The following IQGAP1 variants were observed in gnomAD, a reference collection of about 807,000 sequenced individuals.
IQGAP1 encodes the protein ras GTPase-activating-like protein IQGAP1.
A neutral mutation model predicts 215.6 loss-of-function variants in IQGAP1; 66 were observed. That is an observed-to-expected ratio of 0.31 (90% CI 0.25 to 0.38). The LOEUF (loss-of-function observed/expected upper bound fraction) is 0.38, where lower values mean the gene tolerates loss of function less well. IQGAP1 is among the 10% of genes least tolerant of loss of function. IQGAP1 has a pLI of 1.00. For missense variants in IQGAP1, 1,712 were observed against 1,997.1 expected (o/e 0.86, Z 2.72); for synonymous variants, 772 against 728.7 (o/e 1.06, Z -0.96).
chr15:90,395,547 C>T (rs1964705246), intron 2 of IQGAP1, among the ~76,000 whole-genome samples: 1 of 152,168 alleles, frequency 6.6e-6, no homozygotes, highest in Non-Finnish European at 1.5e-5. Flanking sequence ...GTCTTGATCT[C>T]CTGACCTCGT....
At chr15:90,458,400 A>G (rs949897459) in intron 15 of IQGAP1, among the ~76,000 whole-genome samples, 1 of 152,202 alleles carries the variant, frequency 6.6e-6, no homozygotes, top group African/African-American at 2.4e-5. Context: ...TATAAGTTGT[A>G]TCTTCAATCT....
rs756177206 is a variant in IQGAP1, at chr15:90,494,765, C to T, written c.4681C>T (p.Leu1561=). The change falls in exon 36 of 38, where the codon CTG becomes TTG. Residue 1561 remains leucine (L), a synonymous_variant. Transcript: ENST00000268182. The stretch of plus-strand genomic sequence containing the variant: ...AGGAAAGAAAAGCAAAAAGATTTCT[C>T]TGAAATATACAGCAGCAAGACTACA... ...MKGKKSKKIS[L]KYTAARLHEK... is the part of the protein sequence containing the mutation. 1.2e-6 allele frequency: 2 copies of T among 1,608,890 alleles called. No individual in the cohort carries two copies. Among genetic ancestry groups the T allele is most frequent in the Admixed American group, 3.4e-5 (2 of 59,522 alleles).
chr15:90,488,136 G>A (rs1465269251), intron 33 of IQGAP1, among the ~76,000 whole-genome samples: 1 of 152,180 alleles, frequency 6.6e-6, no homozygotes, highest in African/African-American at 2.4e-5. Context: ...CAGGAGAATG[G>A]CATGTACCCA....
At chr15:90,497,465 C>T in intron 37 of IQGAP1, 125 bp downstream of exon 37, 1 of 600,060 alleles carries the variant, frequency 1.7e-6, no homozygotes, top group Non-Finnish European at 3.0e-6. Flanking sequence ...CTAGGCTCCA[C>T]ACTGCGGGGA....
chr15:90,404,556 C>CTCG, intron 2 of IQGAP1, among the ~76,000 whole-genome samples: 1 of 151,928 alleles, frequency 6.6e-6, no homozygotes, highest in South Asian at 2.1e-4. Flanking sequence ...AGGAAATTGG[C>CTCG]TCGTTGTACA....
In IQGAP1 at chr15:90,474,470, C is replaced by T. The variant is rs1965950094; in HGVS notation, c.2576-15C>T. Reference sequence around the variant, plus strand: ...TTTCTGCTAACTCCATTCTTTGATGCATACTTTCTGTCAGTCAATGCTGAG... The same window carrying T: ...TTTCTGCTAACTCCATTCTTTGATGTATACTTTCTGTCAGTCAATGCTGAG... On this transcript the variant is annotated splice_polypyrimidine_tract_variant and intron_variant, in intron 22 of 37. Coordinates refer to ENST00000268182, the MANE Select transcript of IQGAP1 (RefSeq NM_003870.4). The T allele has an allele frequency of 6.3e-7, 1 of 1,598,408 alleles. No homozygotes were observed. Among genetic ancestry groups the T allele is most frequent in the Admixed American group, 1.7e-5 (1 of 59,960 alleles).
At chr15:90,458,693 G>T (rs988787911) in intron 15 of IQGAP1, among the ~76,000 whole-genome samples, 2 of 152,204 alleles carry the variant, frequency 1.3e-5, no homozygotes, top group Non-Finnish European at 2.9e-5. Context: ...CAAAGACAGA[G>T]ACTTCCATTT....
At chr15:90,478,105 C>G (rs969692200) in intron 26 of IQGAP1, among the ~76,000 whole-genome samples, 3 of 152,104 alleles carry the variant, frequency 2.0e-5, no homozygotes, top group Non-Finnish European at 4.4e-5. Flanking sequence ...AATTCTCATG[C>G]CCCAGCCTCC....
intron 2 of IQGAP1, among the ~76,000 whole-genome samples, chr15:90,410,517 T>A (rs1476011107): frequency 6.6e-6 from 1 of 152,116 alleles, no homozygotes; most frequent in Non-Finnish European, 1.5e-5. Context: ...TAAAAAAGGA[T>A]GAGTTCATGT....
rs183275732 is a variant in IQGAP1 at position 90,488,009 on chromosome 15, T to C, written c.4248+427T>C. Reference sequence around the variant, plus strand: ...AGGCTGAGGTGGGTAGTTCACGAGGTCAGGAGATTGTGACCATCCTGGCTA... The same window carrying C: ...AGGCTGAGGTGGGTAGTTCACGAGGCCAGGAGATTGTGACCATCCTGGCTA... On this transcript the variant is annotated intron_variant, in intron 33 of 37. Coordinates refer to ENST00000268182, the MANE Select transcript of IQGAP1 (RefSeq NM_003870.4). 5.5e-3 allele frequency among the ~76,000 whole-genome samples: 832 copies of C among 151,988 alleles called. 4 individuals are homozygous for C. The highest frequency in any genetic ancestry group is 0.019 in the African/African-American group (797 of 41,430).
intron 2 of IQGAP1, among the ~76,000 whole-genome samples, chr15:90,420,726 AGATT>A (rs1480732682): frequency 1.2e-4 from 19 of 152,306 alleles, no homozygotes; most frequent in Non-Finnish European, 2.6e-4. Context: ...TTTTGTGCAT[AGATT>A]GATTGATTTT....
At chr15:90,388,817 C>T (rs1158466596) in intron 1 of IQGAP1, among the ~76,000 whole-genome samples, 1 of 152,180 alleles carries the variant, frequency 6.6e-6, no homozygotes, top group Non-Finnish European at 1.5e-5. Context: ...GGGGTAGACC[C>T]AAGGGATAGA....
Position 90,473,768 on chromosome 15 carries a change from C to T in IQGAP1, c.2403C>T (p.Tyr801=). 1 of 1,612,236 alleles carries T rather than the reference C, an allele frequency of 6.2e-7. No homozygotes were observed. The highest frequency in any genetic ancestry group is 8.5e-7 in the Non-Finnish European group (1 of 1,179,550). ...QKKAYQDRLA[Y]LRSHKDEVVK... is the part of the protein sequence containing the mutation. ...AGGCATATCAAGATCGGTTAGCTTA[C>T]CTGCGCTCCCACAAAGATGAAGTTG... is the stretch of plus-strand genomic sequence containing the variant. The change falls in exon 20 of 38, where the codon TAC becomes TAT. Residue 801 remains tyrosine, a synonymous_variant. Coordinates refer to ENST00000268182, the MANE Select transcript of IQGAP1 (RefSeq NM_003870.4).
intron 26 of IQGAP1, among the ~76,000 whole-genome samples, chr15:90,478,444 CT>C (rs1966010451): frequency 6.6e-6 from 1 of 152,166 alleles, no homozygotes; most frequent in Admixed American, 6.6e-5. Flanking sequence ...AACAGACATG[CT>C]TCCTGCCCTC....
At chr15:90,392,266 A>G (rs2151693237) in intron 2 of IQGAP1, among the ~76,000 whole-genome samples, 1 of 152,320 alleles carries the variant, frequency 6.6e-6, no homozygotes, top group East Asian at 1.9e-4. Flanking sequence ...GAGGAGGATA[A>G]CACTTGTCTT....
intron 30 of IQGAP1, among the ~76,000 whole-genome samples, chr15:90,485,386 C>G (rs1197398142): frequency 1.9e-4 from 29 of 152,064 alleles, no homozygotes; most frequent in Admixed American, 1.8e-3. Context: ...ACATTGATGA[C>G]TTTGGGTATT....
chr15:90,472,715 C>T, intron 18 of IQGAP1, 125 bp from the exon 19 acceptor site: 1 of 823,186 alleles, frequency 1.2e-6, no homozygotes, highest in East Asian at 2.7e-5. Context: ...TGTTATGTAG[C>T]TAATGATCTA....
chr15:90,467,708 G>A, intron 18 of IQGAP1, 116 bp downstream of exon 18: 1 of 1,037,218 alleles, frequency 9.6e-7, no homozygotes, highest in Non-Finnish European at 1.4e-6. Flanking sequence ...TTGAGGTTAT[G>A]TAATGAGCTG....
At chr15:90,492,388 C>T (rs1966217295) in intron 34 of IQGAP1, among the ~76,000 whole-genome samples, 157 bp from the exon 35 acceptor site, 1 of 142,744 alleles carries the variant, frequency 7.0e-6, no homozygotes, top group African/African-American at 2.7e-5. Flanking sequence ...CCGTCAACCA[C>T]TGCACACTCG....
Sources: gnomAD v4.1 joint callset for allele counts (sites outside exome capture counted in the v4.1 genomes callset) on GRCh38, gnomAD v4.1.1 for gene constraint, MANE v1.5 for transcripts, NCBI Gene and HGNC (gene_info 2026-07-23, HGNC 2026-07-21) for gene names.